Variants in MYO5B observed in about 807,000 individuals in gnomAD.
MYO5B encodes myosin VB, also known as unconventional myosin-Vb.
MYO5B carries 143 observed loss-of-function variants against 229.3 expected under a neutral mutation model. The observed-to-expected ratio is 0.62, with a 90% confidence interval of 0.54 to 0.72. The LOEUF (loss-of-function observed/expected upper bound fraction) is 0.72, where lower values mean the gene tolerates loss of function less well. Among genes scored for constraint, MYO5B ranks in the 30% least tolerant of loss-of-function variants. The probability of loss-of-function intolerance (pLI) is 0.00; values close to 1 mark genes in which losing one functional copy is unlikely to be tolerated. For synonymous variants in MYO5B, 918 were observed against 885.2 expected (o/e 1.04, Z -0.66); for missense variants, 2,321 against 2,331.0 (o/e 1.00, Z 0.09).
chr18:50,192,070 T>G (rs955355976), intron 1 of MYO5B, among the ~76,000 whole-genome samples: 12 of 44,618 alleles, frequency 2.7e-4, no homozygotes, highest in African/African-American at 9.6e-4. Flanking sequence ...CACACCCATT[T>G]GAGAGAAAAA....
At chr18:49,951,313 C>T (rs1240097653) in intron 14 of MYO5B, among the ~76,000 whole-genome samples, 1 of 152,146 alleles carries the variant, frequency 6.6e-6, no homozygotes, top group Non-Finnish European at 1.5e-5. Flanking sequence ...ATGGTTGAAC[C>T]TGGGGGTGGT....
At chr18:49,916,658 C>T (rs559475213) in intron 17 of MYO5B, among the ~76,000 whole-genome samples, 1 of 152,220 alleles carries the variant, frequency 6.6e-6, no homozygotes, top group East Asian at 1.9e-4. Flanking sequence ...GAAGGCAAAC[C>T]GTCCACTGAG....
intron 3 of MYO5B, among the ~76,000 whole-genome samples, chr18:50,037,239 A>C (rs2144384511): frequency 1.0e-5 from 1 of 96,202 alleles, no homozygotes; most frequent in South Asian, 5.0e-4. Flanking sequence ...ACACACACTC[A>C]CTCACAAATG....
chr18:49,864,206 C>T lies in MYO5B; in HGVS notation c.3778G>A (p.Glu1260Lys). 6.2e-7 allele frequency: 1 copy of T among 1,613,664 alleles called. No individual in the cohort carries two copies. Among genetic ancestry groups the T allele is most frequent in the African/African-American group, 1.3e-5 (1 of 75,076 alleles). ...ATCTGGGTCCTGAGGATGAGCACCT[C>T]CTCCTTGCGCACCTCGAGCTCCTCG... ...AHEELEVRKE[E>K]VLILRTQIVS... Residue 1260 changes from glutamate to lysine, a missense_variant, in exon 28 of 40, where the codon GAG (glutamate) becomes AAG (lysine). Around this residue, in one of 2 missense-constraint regions of MYO5B, gnomAD observed 2,113 missense variants for 2,044.7 expected, o/e 1.03. Coordinates refer to ENST00000285039, the MANE Select transcript of MYO5B (RefSeq NM_001080467.3).
At position 50,117,275 on chromosome 18, in the gene MYO5B, TA is replaced by T. The variant is rs545888059; in HGVS notation, c.28-61898del. On this transcript the variant is annotated intron_variant, in intron 1 of 39. Coordinates refer to ENST00000285039, the MANE Select transcript of MYO5B (RefSeq NM_001080467.3). ...AGAGAGGAAACTTCAAATTCTCATT[TA>T]AAAAAAAAAATAGCATGCTCATGAA... Among the ~76,000 whole-genome samples, 434 of 147,930 alleles carry T rather than the reference TA, an allele frequency of 2.9e-3. 2 individuals are homozygous for T. Among genetic ancestry groups the T allele is most frequent in the African/African-American group, 8.8e-3 (356 of 40,480 alleles).
chr18:50,099,398 C>T (rs2031612518), intron 1 of MYO5B, among the ~76,000 whole-genome samples: 1 of 152,196 alleles, frequency 6.6e-6, no homozygotes, highest in African/African-American at 2.4e-5. Flanking sequence ...GAAGACTGTG[C>T]TTCAAGGATA....
intron 14 of MYO5B, chr18:49,946,190 G>A (rs2025371248): frequency 6.6e-6 from 1 of 151,898 alleles, no homozygotes; most frequent in Non-Finnish European, 1.5e-5. Context: ...CAAAATTTGA[G>A]AATTTTGAGA....
chr18:49,906,737 T>C (rs2024904337), intron 18 of MYO5B, 107 bp from the exon 19 acceptor site: 3 of 965,256 alleles, frequency 3.1e-6, no homozygotes, highest in African/African-American at 1.6e-5. Context: ...CCAGACTTCA[T>C]GCACCCCTCT....
rs574416871 is a variant in MYO5B, at chr18:50,133,039, C to A, written c.27+61728G>T. Among the ~76,000 whole-genome samples, 5 of 152,222 alleles carry A rather than the reference C, an allele frequency of 3.3e-5. No individual in the cohort carries two copies. In the East Asian group the frequency reaches 5.8e-4, roughly 18 times the overall value. On this transcript the variant is annotated intron_variant, in intron 1 of 39. Transcript: ENST00000285039. ...TTTTTTGCTTTTTGTTTTAAATAAG[C>A]CTGGAAGATGATTCTCCAAGACCAG... is the stretch of plus-strand genomic sequence containing the variant.
intron 16 of MYO5B, among the ~76,000 whole-genome samples, chr18:49,935,714 C>A (rs1244970332): frequency 6.6e-6 from 1 of 152,142 alleles, no homozygotes; most frequent in African/African-American, 2.4e-5. Context: ...ATGGACAGAA[C>A]CGGAACAAAG....
At chr18:49,837,426 T>C (rs538679671) in intron 37 of MYO5B, 91 bp downstream of exon 37, 2 of 1,493,342 alleles carry the variant, frequency 1.3e-6, no homozygotes, top group East Asian at 2.3e-5. Context: ...TTGGATTTCA[T>C]TTTTAGAAAC....
chr18:49,986,368 A>T (rs1568059660), intron 7 of MYO5B, among the ~76,000 whole-genome samples: 1 of 152,150 alleles, frequency 6.6e-6, no homozygotes, highest in Non-Finnish European at 1.5e-5. Context: ...AGGCAAGGAG[A>T]GACAGAACTC....
At chr18:50,093,941 G>GC (rs1175508539) in intron 1 of MYO5B, among the ~76,000 whole-genome samples, 4 of 152,144 alleles carry the variant, frequency 2.6e-5, no homozygotes, top group Admixed American at 6.5e-5. Context: ...TCCACCCCTT[G>GC]TTTAGCATGT....
chr18:50,070,361 G>A (rs990559053), intron 1 of MYO5B, among the ~76,000 whole-genome samples: 3 of 152,014 alleles, frequency 2.0e-5, no homozygotes, highest in African/African-American at 7.3e-5. Context: ...CAACCAATTT[G>A]TTCCCACTCC....
intron 1 of MYO5B, among the ~76,000 whole-genome samples, chr18:50,132,205 C>T (rs554122481): frequency 3.3e-5 from 5 of 152,144 alleles, no homozygotes; most frequent in South Asian, 4.1e-4. Context: ...ACAGTGGCCA[C>T]GGCAGTCCTT....
intron 17 of MYO5B, among the ~76,000 whole-genome samples, chr18:49,921,301 C>T (rs1198897459): frequency 1.3e-5 from 2 of 148,418 alleles, no homozygotes; most frequent in African/African-American, 5.0e-5. Flanking sequence ...TTTGTACATT[C>T]CCCCCACCAC....
At chr18:49,933,877 CTTATTT>C (rs1568036511) in intron 16 of MYO5B, among the ~76,000 whole-genome samples, 1 of 152,042 alleles carries the variant, frequency 6.6e-6, no homozygotes, top group Non-Finnish European at 1.5e-5. Context: ...CATCAGGATA[CTTATTT>C]TTATTTTTTT....
chr18:49,849,939 A>C (rs1051943325), intron 31 of MYO5B: 1 of 457,414 alleles, frequency 2.2e-6, no homozygotes, highest in Non-Finnish European at 4.0e-6. Flanking sequence ...AAGCCTCCCC[A>C]AGCCAAGCCT....
Position 49,849,507 on chromosome 18 carries a change from C to A in MYO5B, c.4315+60G>T, listed in dbSNP as rs539387586. The A allele has an allele frequency of 4.1e-6, 5 of 1,218,430 alleles. No homozygotes were observed. The Admixed American group carries it at 6.7e-5, about 16-fold the overall frequency. 75.5% of individuals were successfully genotyped at this position (1,218,430 alleles called of 1,614,324 possible). A position where few individuals can be genotyped will look rare whatever the true frequency, so the allele number is the denominator to read the frequency against. ...CAGAGGGCAGGCAGACAGCTCACAC[C>A]CACAGGCGTGGCCAAGTATACCTGT... is the stretch of plus-strand genomic sequence containing the variant. On this transcript the variant is annotated intron_variant, in intron 32 of 39. Coordinates refer to ENST00000285039, the MANE Select transcript of MYO5B (RefSeq NM_001080467.3).
Sources: allele counts gnomAD v4.1 joint callset (sites outside exome capture counted in the v4.1 genomes callset), GRCh38; gene constraint gnomAD v4.1.1; regional missense constraint gnomAD v4.1.1; transcripts MANE v1.5; gene names NCBI Gene and HGNC (gene_info 2026-07-23, HGNC 2026-07-21).